Variants in SPATS2L observed in about 807,000 individuals in gnomAD.
SPATS2L encodes spermatogenesis associated serine rich 2 like.
Under a neutral mutation model 59.6 loss-of-function variants are expected in SPATS2L, and 30 were observed. The ratio of observed to expected loss-of-function variants is 0.50; its 90% CI spans 0.38 to 0.68. The LOEUF (loss-of-function observed/expected upper bound fraction) is 0.68. SPATS2L is among the 30% of genes least tolerant of loss of function. SPATS2L has a pLI of 0.00. For missense variants in SPATS2L, 615 were observed against 700.0 expected, an observed-to-expected ratio of 0.88 and a Z score of 1.37; for synonymous variants, 252 against 263.5, an observed-to-expected ratio of 0.96 and a Z score of 0.42.
intron 2 of SPATS2L, chr2:200,372,027 A>C (rs1280290302): frequency 7.1e-6 from 7 of 985,176 alleles, no homozygotes; most frequent in Non-Finnish European, 1.2e-6. Context: ...AGGCATAAAA[A>C]CCCAAAGGAA....
At chr2:200,476,616 C>T (rs891517501) in intron 12 of SPATS2L, among the ~76,000 whole-genome samples, 3 of 152,176 alleles carry the variant, frequency 2.0e-5, no homozygotes, top group Non-Finnish European at 4.4e-5. Context: ...TTTTGGCCAC[C>T]GGCAGGATCA....
chr2:200,476,107 A>G (rs1311146639), intron 12 of SPATS2L, among the ~76,000 whole-genome samples: 1 of 152,202 alleles, frequency 6.6e-6, no homozygotes, highest in African/African-American at 2.4e-5. Context: ...ACTGACCTTG[A>G]GGAGTTCAGA....
At chr2:200,449,995 A>G (rs534144214) in intron 8 of SPATS2L, among the ~76,000 whole-genome samples, 19 of 152,320 alleles carry the variant, frequency 1.2e-4, no homozygotes, top group African/African-American at 4.1e-4. Flanking sequence ...TTACCAGGCC[A>G]TATTCTAATG....
At chr2:200,417,354 T>C (rs943331663) in intron 5 of SPATS2L, among the ~76,000 whole-genome samples, 6 of 152,324 alleles carry the variant, frequency 3.9e-5, no homozygotes, top group Admixed American at 1.3e-4. Context: ...TTATGAGTTT[T>C]TTTTTTAACC....
upstream of SPATS2L, chr2:200,306,569 A>C (rs1429330176): frequency 4.0e-6 from 4 of 998,340 alleles, no homozygotes; most frequent in Non-Finnish European, 4.8e-6. Context: ...TGCGAGCGGG[A>C]GCGAGGGGCG....
rs192050322 is a variant in SPATS2L at position 200,473,481 on chromosome 2, T to G, written c.1281+429T>G. Among the ~76,000 whole-genome samples, 266 of 152,312 alleles carry G rather than the reference T, an allele frequency of 1.7e-3. 1 individual carries two copies. Among genetic ancestry groups the G allele is most frequent in the African/African-American group, 6.2e-3 (256 of 41,568 alleles). On this transcript the variant is annotated intron_variant, in intron 12 of 12. Coordinates refer to ENST00000409140, the MANE Select transcript of SPATS2L (RefSeq NM_001100423.2). ...GCATTTGTTTTTTAAGATATTTTAATCCCCATTTATGTTTAGCTGATCAAT... is the reference window on the plus strand; with the variant it reads ...GCATTTGTTTTTTAAGATATTTTAAGCCCCATTTATGTTTAGCTGATCAAT...
In SPATS2L at chr2:200,477,643, C is replaced by A. The variant is rs200383540; in HGVS notation, c.1289C>A (p.Ser430Tyr). Residue 430 changes from serine to tyrosine, a missense_variant, in exon 13 of 13, where the codon TCT (serine) becomes TAT (tyrosine). Around this residue, in one of 3 missense-constraint regions of SPATS2L, gnomAD observed 284 missense variants for 280.1 expected, o/e 1.01. Coordinates refer to ENST00000409140, the MANE Select transcript of SPATS2L (RefSeq NM_001100423.2). ...TCTTTTCTTTTTTGGTAGAATGGAT[C>A]TTCTAACCAAAGACGGAGATTTAAT... ...QTMPANKQNG[S>Y]SNQRRRFNPQ... 30 of 1,539,260 alleles carry A rather than the reference C, an allele frequency of 1.9e-5. No individual in the cohort carries two copies. Among genetic ancestry groups the A allele is most frequent in the Non-Finnish European group, 2.6e-5 (30 of 1,141,048 alleles).
rs1180962033 is a variant in SPATS2L at position 200,439,119 on chromosome 2, C to T, written c.446-3C>T. 2 of 1,611,698 alleles carry T rather than the reference C, an allele frequency of 1.2e-6. No individual in the cohort carries two copies. The highest frequency in any genetic ancestry group is 2.2e-5 in the East Asian group (1 of 44,860). ...ACAGTCATTATTTGGTGTTTTCTTACAGAAGGCAACAGACTACTGCAACAG... is the reference window on the plus strand; with the variant it reads ...ACAGTCATTATTTGGTGTTTTCTTATAGAAGGCAACAGACTACTGCAACAG... On this transcript the variant is annotated splice_region_variant and splice_polypyrimidine_tract_variant and intron_variant, in intron 6 of 12. Coordinates refer to ENST00000409140, the MANE Select transcript of SPATS2L (RefSeq NM_001100423.2).
intron 8 of SPATS2L, among the ~76,000 whole-genome samples, chr2:200,453,162 A>G (rs1190336467): frequency 6.6e-6 from 1 of 152,200 alleles, no homozygotes; most frequent in Admixed American, 6.5e-5. Flanking sequence ...AAGAGGAGCC[A>G]TGGACACTGG....
chr2:200,361,950 T>C lies in SPATS2L; in HGVS notation c.-22-27273T>C, dbSNP rs534543061. Among the ~76,000 whole-genome samples the C allele has an allele frequency of 2.0e-5, 3 of 152,230 alleles. No individual in the cohort carries two copies. In the South Asian group the frequency reaches 6.2e-4, roughly 32 times the overall value. On this transcript the variant is annotated intron_variant, in intron 2 of 12. Coordinates refer to ENST00000409140, the MANE Select transcript of SPATS2L (RefSeq NM_001100423.2). ...TTGAAACCTTCTTAACCCAAAGGTGTGAATGCAGGGCCAGATGTGGTGGCT... is the reference window on the plus strand; with the variant it reads ...TTGAAACCTTCTTAACCCAAAGGTGCGAATGCAGGGCCAGATGTGGTGGCT...
chr2:200,382,018 C>T (rs947516828), intron 2 of SPATS2L, among the ~76,000 whole-genome samples: 2 of 152,156 alleles, frequency 1.3e-5, no homozygotes, highest in African/African-American at 2.4e-5. Context: ...TTTGCACCTT[C>T]ACCTGAGGTA....
At chr2:200,474,172 C>T (rs1379033939) in intron 12 of SPATS2L, among the ~76,000 whole-genome samples, 1 of 150,178 alleles carries the variant, frequency 6.7e-6, no homozygotes, top group Non-Finnish European at 1.5e-5. Context: ...TTTGCTGTCT[C>T]AGCCTTTGAG....
chr2:200,418,102 G>T (rs1409480097), intron 5 of SPATS2L, among the ~76,000 whole-genome samples: 4 of 152,016 alleles, frequency 2.6e-5, no homozygotes, highest in Admixed American at 1.3e-4. Flanking sequence ...GATATTGGGG[G>T]GTCTAAACAA....
At chr2:200,422,572 A>T (rs2083356559) in intron 6 of SPATS2L, among the ~76,000 whole-genome samples, 1 of 151,376 alleles carries the variant, frequency 6.6e-6, no homozygotes, top group East Asian at 1.9e-4. Flanking sequence ...AGAAGAAATG[A>T]TGGTAATGGA....
chr2:200,481,591 G>T lies in SPATS2L; in HGVS notation c.*3560G>T, dbSNP rs1465479512. 1 of 152,222 alleles carries T rather than the reference G, an allele frequency of 6.6e-6. No individual in the cohort carries two copies. The highest frequency in any genetic ancestry group is 1.5e-5 in the Non-Finnish European group (1 of 68,048). 9.4% of individuals were successfully genotyped at this position (152,222 alleles called of 1,614,324 possible). ...GCATCCCACGCTGCCTGCTTAAAGCGCCCTCATGTGTCTACAGATGGTAAA... is the reference window on the plus strand; with the variant it reads ...GCATCCCACGCTGCCTGCTTAAAGCTCCCTCATGTGTCTACAGATGGTAAA... On this transcript the variant is annotated 3_prime_UTR_variant, in exon 13 of 13. Transcript: ENST00000409140.
intron 1 of SPATS2L, among the ~76,000 whole-genome samples, chr2:200,309,277 C>G (rs1023525732): frequency 6.6e-6 from 1 of 152,160 alleles, no homozygotes; most frequent in Admixed American, 6.5e-5. Flanking sequence ...TTTTAATCAG[C>G]ATTTTCTGAG....
chr2:200,369,582 TAGTA>T (rs1357544142), intron 2 of SPATS2L, among the ~76,000 whole-genome samples: 6 of 152,090 alleles, frequency 3.9e-5, no homozygotes, highest in Non-Finnish European at 7.3e-5. Flanking sequence ...GTGAGCTGGA[TAGTA>T]AGTATAATAA....
chr2:200,385,978 C>T (rs1429546149), intron 2 of SPATS2L, among the ~76,000 whole-genome samples: 1 of 152,228 alleles, frequency 6.6e-6, no homozygotes, highest in Non-Finnish European at 1.5e-5. Context: ...AGGCGTGAGC[C>T]ACCGCACCCG....
intron 1 of SPATS2L, among the ~76,000 whole-genome samples, chr2:200,307,171 G>A (rs1320509558): frequency 6.6e-6 from 1 of 151,512 alleles, no homozygotes; most frequent in Non-Finnish European, 1.5e-5. Flanking sequence ...CAAGCGGGAG[G>A]AGGCGCCGGC....
Sources: allele counts gnomAD v4.1 joint callset (sites outside exome capture counted in the v4.1 genomes callset), GRCh38; gene constraint gnomAD v4.1.1; regional missense constraint gnomAD v4.1.1; transcripts MANE v1.5; gene names NCBI Gene and HGNC (gene_info 2026-07-23, HGNC 2026-07-21).